The following GFPT1 variants were observed in gnomAD, a reference collection of about 807,000 sequenced individuals.
The protein encoded by GFPT1 is glutamine--fructose-6-phosphate transaminase 1.
In GFPT1, 40 loss-of-function variants were observed where a neutral mutation model predicts 92.0. The ratio of observed to expected loss-of-function variants is 0.43; its 90% CI spans 0.34 to 0.57. GFPT1 has a LOEUF of 0.57. Ranked by LOEUF, GFPT1 falls within the 20% of genes least tolerant of loss-of-function variation. GFPT1 has a pLI of 0.02. For synonymous variants in GFPT1, 269 were observed against 280.6 expected, an observed-to-expected ratio of 0.96 and a Z score of 0.41; for missense variants, 448 against 869.1, an observed-to-expected ratio of 0.52 and a Z score of 6.09.
chr2:69,367,344 T>G (rs202160975), intron 3 of GFPT1, among the ~76,000 whole-genome samples: 45 of 150,360 alleles, frequency 3.0e-4, no homozygotes, highest in South Asian at 1.1e-3. Context: ...CAACTTATTT[T>G]TTGTTGTTGT....
chr2:69,360,351 AT>A (rs1671439111), intron 4 of GFPT1, among the ~76,000 whole-genome samples: 1 of 151,134 alleles, frequency 6.6e-6, no homozygotes, highest in Non-Finnish European at 1.5e-5. Flanking sequence ...AAAAAAAAAA[AT>A]CCTACCAATC....
rs191173948 is a variant in GFPT1 at position 69,348,041 on chromosome 2, G to A, written c.1009+130C>T. The A allele has an allele frequency of 9.2e-5, 73 of 792,514 alleles. No homozygotes were observed. In the East Asian group the frequency reaches 1.5e-3, roughly 16 times the overall value. The allele number at this position is 792,514 out of a possible 1,614,324, so 49.1% of individuals were successfully genotyped here. ...CTAAAGAATCATCCCTTTTCCTAGCGTTGTCCCTTCACTAATCATGTGGAA... is the reference window on the plus strand; with the variant it reads ...CTAAAGAATCATCCCTTTTCCTAGCATTGTCCCTTCACTAATCATGTGGAA... On this transcript the variant is annotated intron_variant, in intron 11 of 19. Transcript: ENST00000357308.
At chr2:69,373,500 GTCCTAGC>G in intron 2 of GFPT1, among the ~76,000 whole-genome samples, 1 of 152,226 alleles carries the variant, frequency 6.6e-6, no homozygotes, top group Admixed American at 6.5e-5. Context: ...CACAGCTATA[GTCCTAGC>G]TACTGAGGAG....
At position 69,321,294 on chromosome 2, in the gene GFPT1, C is replaced by T. The variant is rs1229327856; in HGVS notation, c.*4895G>A. The stretch of plus-strand genomic sequence containing the variant: ...AGGGCAGAGCCTTTGTTTTATCTAA[C>T]GATTCTTTCCCAAACTGGGAAGTTC... On this transcript the variant is annotated 3_prime_UTR_variant, in exon 20 of 20. Coordinates refer to ENST00000357308, the MANE Select transcript of GFPT1 (RefSeq NM_001244710.2). The T allele has an allele frequency of 3.9e-5, 6 of 152,186 alleles. No individual in the cohort carries two copies. The highest frequency in any genetic ancestry group is 2.1e-4 in the South Asian group (1 of 4,834). The allele number at this position is 152,186 out of a possible 1,614,324, so 9.4% of individuals were successfully genotyped here. A position where few individuals can be genotyped will look rare whatever the true frequency, so the allele number is the denominator to read the frequency against.
chr2:69,371,968 G>C (rs1210646796), intron 2 of GFPT1, among the ~76,000 whole-genome samples: 1 of 148,278 alleles, frequency 6.7e-6, no homozygotes, highest in African/African-American at 2.5e-5. Context: ...TTGGGAGGCC[G>C]AGGCGGGCAG....
intron 13 of GFPT1, among the ~76,000 whole-genome samples, chr2:69,340,558 T>C (rs1261824000): frequency 1.3e-5 from 2 of 152,176 alleles, no homozygotes; most frequent in African/African-American, 4.8e-5. Flanking sequence ...CAAGGTCTGA[T>C]GATTTTTCAC....
rs143932224 is a variant in GFPT1, at chr2:69,347,680, G to A, written c.1009+491C>T. Among the ~76,000 whole-genome samples the A allele has an allele frequency of 4.0e-5, 6 of 151,806 alleles. No homozygotes were observed. The East Asian group carries it at 7.8e-4, about 20-fold the overall frequency. On this transcript the variant is annotated intron_variant, in intron 11 of 19. Coordinates refer to ENST00000357308, the MANE Select transcript of GFPT1 (RefSeq NM_001244710.2). Reference sequence around the variant, plus strand: ...TTTAGTACAGTCGGGGTTTCTCCACGTTGGCAAGGCCAGACTGGTCTCAAA... The same window carrying A: ...TTTAGTACAGTCGGGGTTTCTCCACATTGGCAAGGCCAGACTGGTCTCAAA...
chr2:69,356,357 G>A, intron 7 of GFPT1, 139 bp downstream of exon 7: 1 of 737,996 alleles, frequency 1.4e-6, no homozygotes, highest in South Asian at 1.5e-5. Flanking sequence ...CAAGAAGGAA[G>A]ATGTGAAAAT....
intron 15 of GFPT1, among the ~76,000 whole-genome samples, chr2:69,330,627 A>C (rs1670638158): frequency 6.6e-6 from 1 of 151,852 alleles, no homozygotes; most frequent in South Asian, 2.1e-4. Context: ...AAACAGAAAT[A>C]ATATTTAATC....
intron 12 of GFPT1, 83 bp downstream of exon 12, chr2:69,345,821 A>T: frequency 1.2e-6 from 1 of 816,586 alleles, no homozygotes; most frequent in Non-Finnish European, 2.2e-6. Context: ...CAAGGCTATT[A>T]AGGGCAATGA....
intron 5 of GFPT1, 122 bp from the exon 6 acceptor site, chr2:69,358,585 A>G (rs1186250854): frequency 1.4e-6 from 1 of 715,460 alleles, no homozygotes; most frequent in African/African-American, 1.8e-5. Context: ...ACCATATCCC[A>G]TTATTCAAAA....
At chr2:69,373,222 C>T (rs1457183780) in intron 2 of GFPT1, among the ~76,000 whole-genome samples, 1 of 152,096 alleles carries the variant, frequency 6.6e-6, no homozygotes, top group Admixed American at 6.6e-5. Flanking sequence ...CCTAGGGAAT[C>T]GTCAAATCTG....
chr2:69,332,929 A>T (rs1178324969), intron 15 of GFPT1, among the ~76,000 whole-genome samples: 2 of 152,088 alleles, frequency 1.3e-5, no homozygotes, highest in Non-Finnish European at 2.9e-5. Context: ...TTAACATCCC[A>T]ATAGTTAAAT....
rs143011449 is a variant in GFPT1 at position 69,326,188 on chromosome 2, C to G, written c.*1G>C. On this transcript the variant is annotated 3_prime_UTR_variant, in exon 20 of 20. Coordinates refer to ENST00000357308, the MANE Select transcript of GFPT1 (RefSeq NM_001244710.2). ...TTTCGTACATTTTGTATAGATATTC[C>G]TCACTCTACAGTCACAGATTTGGCA... 1.7e-5 allele frequency: 27 copies of G among 1,574,810 alleles called. No individual in the cohort carries two copies. The Middle Eastern group carries it at 6.7e-4, about 39-fold the overall frequency.
intron 1 of GFPT1, among the ~76,000 whole-genome samples, chr2:69,385,449 T>C (rs1318793593): frequency 6.6e-6 from 1 of 152,120 alleles, no homozygotes; most frequent in Non-Finnish European, 1.5e-5. Context: ...AGTCTTGAAC[T>C]CCTGAGCTCA....
chr2:69,375,452 A>G, intron 1 of GFPT1, among the ~76,000 whole-genome samples: 1 of 152,192 alleles, frequency 6.6e-6, no homozygotes, highest in South Asian at 2.1e-4. Flanking sequence ...CAGGAAAGCC[A>G]TAACATACAT....
chr2:69,338,410 C>T (rs959160166), intron 14 of GFPT1, 35 bp downstream of exon 14: 8 of 1,571,272 alleles, frequency 5.1e-6, no homozygotes, highest in Non-Finnish European at 6.1e-6. Flanking sequence ...GAAAGAATAA[C>T]TTTCCTTCCT....
chr2:69,384,395 C>A (rs986556596), intron 1 of GFPT1, among the ~76,000 whole-genome samples: 3 of 152,014 alleles, frequency 2.0e-5, no homozygotes, highest in Admixed American at 2.0e-4. Flanking sequence ...CAACAATGCA[C>A]AACGTTGAAA....
At chr2:69,353,315 T>C (rs900181568) in intron 9 of GFPT1, among the ~76,000 whole-genome samples, 26 of 152,026 alleles carry the variant, frequency 1.7e-4, no homozygotes, top group Admixed American at 1.5e-3. Context: ...GGTGGGAGGA[T>C]CCCTTAAGCC....
Sources: allele counts gnomAD v4.1 joint callset (sites outside exome capture counted in the v4.1 genomes callset), GRCh38; gene constraint gnomAD v4.1.1; transcripts MANE v1.5; gene names NCBI Gene and HGNC (gene_info 2026-07-23, HGNC 2026-07-21).